Variants in TANC2 observed in about 807,000 individuals in gnomAD.
TANC2 encodes tetratricopeptide repeat, ankyrin repeat and coiled-coil containing 2.
A neutral mutation model predicts 210.5 loss-of-function variants in TANC2; 26 were observed. The observed-to-expected ratio is 0.12, with a 90% CI of 0.09 to 0.17. The LOEUF is 0.17. TANC2 is among the 10% of genes least tolerant of loss of function. TANC2 has a pLI of 1.00. For missense variants in TANC2, 2,129 were observed against 2,608.9 expected (o/e 0.82, Z 4.01); for synonymous variants, 931 against 967.1 (o/e 0.96, Z 0.69).
intron 8 of TANC2, among the ~76,000 whole-genome samples, chr17:63,253,118 GCATT>G (rs2043098827): frequency 6.6e-6 from 1 of 152,124 alleles, no homozygotes; most frequent in Non-Finnish European, 1.5e-5. Context: ...ATCTTTGCCA[GCATT>G]CATTATTGCT....
chr17:63,401,541 T>C (rs1475797182), intron 19 of TANC2, among the ~76,000 whole-genome samples: 1 of 152,224 alleles, frequency 6.6e-6, no homozygotes, highest in African/African-American at 2.4e-5. Context: ...ATGTGATTTT[T>C]ACATATTAGA....
Position 62,979,218 on chromosome 17 carries a change from C to G in TANC2, c.-24+12469C>G, listed in dbSNP as rs539093527. On this transcript the variant is annotated intron_variant, in intron 1 of 27. Coordinates refer to ENST00000689528, the Ensembl canonical transcript of TANC2. ...TTTTCAGGTTTAATCTCACGGTATA[C>G]TTTATCCCTTTTATATCATGAGAAA... Among the ~76,000 whole-genome samples the G allele has an allele frequency of 1.6e-4, 25 of 152,282 alleles. No individual in the cohort carries two copies. The South Asian group carries it at 4.1e-3, about 25-fold the overall frequency.
intron 9 of TANC2, among the ~76,000 whole-genome samples, chr17:63,309,192 A>AGT (rs926437498): frequency 2.0e-5 from 3 of 151,654 alleles, no homozygotes; most frequent in Admixed American, 6.6e-5. Context: ...TGTATGTGTT[A>AGT]GTGTGTGTGT....
chr17:63,063,686 G>GTA (rs1376642207), intron 2 of TANC2, among the ~76,000 whole-genome samples: 7 of 151,766 alleles, frequency 4.6e-5, no homozygotes, highest in African/African-American at 1.7e-4. Flanking sequence ...GTGTGTGTGT[G>GTA]TGTGTGTGTG....
chr17:63,277,919 C>A (rs1471963279), intron 9 of TANC2, among the ~76,000 whole-genome samples: 1 of 152,070 alleles, frequency 6.6e-6, no homozygotes. Flanking sequence ...TGCCTGTATT[C>A]CCATCATTTT....
chr17:63,279,997 A>G (rs2044011353), intron 9 of TANC2, among the ~76,000 whole-genome samples: 2 of 152,124 alleles, frequency 1.3e-5, no homozygotes, highest in Admixed American at 1.3e-4. Flanking sequence ...AACAAGGGAA[A>G]TAACATTTGA....
At chr17:63,165,079 T>G (rs1022167803) in intron 5 of TANC2, among the ~76,000 whole-genome samples, 5 of 152,128 alleles carry the variant, frequency 3.3e-5, no homozygotes, top group Admixed American at 2.0e-4. Flanking sequence ...GCCTGGAGTT[T>G]TGAGTCCAGC....
At chr17:63,186,348 C>CTTTT (rs1445881786) in intron 5 of TANC2, among the ~76,000 whole-genome samples, 8 of 135,426 alleles carry the variant, frequency 5.9e-5, no homozygotes, top group African/African-American at 2.5e-4. Context: ...TTCTCTCTCT[C>CTTTT]TCTTTTTTTT....
At chr17:62,983,140 A>G (rs1307834341) in intron 1 of TANC2, among the ~76,000 whole-genome samples, 1 of 152,010 alleles carries the variant, frequency 6.6e-6, no homozygotes, top group East Asian at 1.9e-4. Context: ...AGTATTTCGT[A>G]GTTTTTCTTA....
At chr17:63,410,341 C>A (rs1177708118) in intron 21 of TANC2, among the ~76,000 whole-genome samples, 1 of 136,758 alleles carries the variant, frequency 7.3e-6, no homozygotes, top group Non-Finnish European at 1.5e-5. Context: ...CTCCAATCCC[C>A]CCCCCCCATC....
At chr17:63,112,140 G>T (rs1278767046) in intron 4 of TANC2, among the ~76,000 whole-genome samples, 1 of 152,198 alleles carries the variant, frequency 6.6e-6, no homozygotes, top group African/African-American at 2.4e-5. Flanking sequence ...TAAATCTGAA[G>T]TGTTGAATTG....
intron 5 of TANC2, among the ~76,000 whole-genome samples, chr17:63,171,170 A>G (rs1451946852): frequency 3.1e-5 from 4 of 129,202 alleles, no homozygotes; most frequent in Non-Finnish European, 1.5e-5. Context: ...ACTGCACTCC[A>G]CCTCCCAGGT....
chr17:63,041,264 A>AT (rs1483340115), intron 2 of TANC2, among the ~76,000 whole-genome samples: 2 of 152,170 alleles, frequency 1.3e-5, no homozygotes, highest in South Asian at 2.1e-4. Context: ...GTAATGTGAG[A>AT]TTTTTTATGT....
At chr17:63,222,253 C>T (rs556442742) in intron 7 of TANC2, among the ~76,000 whole-genome samples, 2 of 152,104 alleles carry the variant, frequency 1.3e-5, no homozygotes, top group African/African-American at 4.8e-5. Context: ...AATACCATCA[C>T]CTTGGGGGTT....
At chr17:63,069,678 A>G (rs1248229646) in intron 2 of TANC2, among the ~76,000 whole-genome samples, 1 of 152,164 alleles carries the variant, frequency 6.6e-6, no homozygotes, top group Non-Finnish European at 1.5e-5. Flanking sequence ...TACTAAAAGT[A>G]GAATACAAAT....
At chr17:63,285,253 C>G (rs1307427016) in intron 9 of TANC2, among the ~76,000 whole-genome samples, 1 of 150,714 alleles carries the variant, frequency 6.6e-6, no homozygotes, top group Admixed American at 6.6e-5. Flanking sequence ...AATTTATCTT[C>G]TTGCTATTTG....
chr17:63,252,198 T>A (rs1306251921), intron 8 of TANC2, among the ~76,000 whole-genome samples: 2 of 152,128 alleles, frequency 1.3e-5, no homozygotes, highest in Admixed American at 6.6e-5. Context: ...TATAATTTTT[T>A]AAAAATATAT....
intron 4 of TANC2, among the ~76,000 whole-genome samples, chr17:63,134,025 C>A (rs1170927126): frequency 6.6e-6 from 1 of 152,138 alleles, no homozygotes; most frequent in South Asian, 2.1e-4. Context: ...ACATATTGTA[C>A]TTTTCCCTGT....
intron 5 of TANC2, among the ~76,000 whole-genome samples, chr17:63,188,346 C>T (rs1478267947): frequency 6.6e-6 from 1 of 151,602 alleles, no homozygotes; most frequent in Non-Finnish European, 1.5e-5. Flanking sequence ...GTAGTCCCAG[C>T]ACTTTGAGAG....
Sources: gnomAD v4.1 joint callset for allele counts (sites outside exome capture counted in the v4.1 genomes callset) on GRCh38, gnomAD v4.1.1 for gene constraint, MANE v1.5 for transcripts, NCBI Gene and HGNC (gene_info 2026-07-23, HGNC 2026-07-21) for gene names.